Variants in OSBPL8 observed in about 807,000 individuals in gnomAD.
OSBPL8 encodes oxysterol binding protein like 8.
In OSBPL8, 59 loss-of-function variants were observed where a neutral mutation model predicts 125.5. The observed-to-expected ratio is 0.47, with a 90% CI of 0.38 to 0.58. The LOEUF (loss-of-function observed/expected upper bound fraction) is 0.58. Among genes scored for constraint, OSBPL8 ranks in the 20% least tolerant of loss-of-function variants. The probability of loss-of-function intolerance (pLI) is 0.00; values close to 1 mark genes in which losing one functional copy is unlikely to be tolerated. For synonymous variants in OSBPL8, 330 were observed against 338.9 expected (o/e 0.97, Z 0.29); for missense variants, 758 against 1,047.8 (o/e 0.72, Z 3.82).
intron 1 of OSBPL8, among the ~76,000 whole-genome samples, chr12:76,526,119 A>G (rs1950162862): frequency 6.6e-6 from 1 of 152,202 alleles, no homozygotes; most frequent in South Asian, 2.1e-4. Context: ...AACTGTTCTT[A>G]TACACACTAT....
chr12:76,438,774 T>C lies in OSBPL8; in HGVS notation c.217+12077A>G, dbSNP rs921107781. On this transcript the variant is annotated intron_variant, in intron 4 of 23. Transcript: ENST00000261183. Reference sequence around the variant, plus strand: ...TTGTTAAAGTGTTAAGTGGAAATCATAGATTTTCTAATATCAAACCCATCC... The same window carrying C: ...TTGTTAAAGTGTTAAGTGGAAATCACAGATTTTCTAATATCAAACCCATCC... Among the ~76,000 whole-genome samples the C allele has an allele frequency of 2.0e-5, 3 of 152,202 alleles. No homozygotes were observed. The East Asian group carries it at 5.8e-4, about 29-fold the overall frequency.
intron 1 of OSBPL8, among the ~76,000 whole-genome samples, chr12:76,493,708 G>C (rs1352855720): frequency 6.6e-6 from 1 of 152,090 alleles, no homozygotes; most frequent in Admixed American, 6.5e-5. Context: ...GTTGAATCTA[G>C]TTGGAGACCT....
chr12:76,382,034 C>G (rs1953079340), intron 15 of OSBPL8, among the ~76,000 whole-genome samples: 8 of 152,140 alleles, frequency 5.3e-5, no homozygotes, highest in Admixed American at 5.2e-4. Flanking sequence ...CATGCGCGGC[C>G]TACTTTCCAT....
At chr12:76,515,136 T>C (rs1881408103) in intron 1 of OSBPL8, among the ~76,000 whole-genome samples, 1 of 152,248 alleles carries the variant, frequency 6.6e-6, no homozygotes. Context: ...CGTTCTGAAT[T>C]CTACTTCTGT....
At chr12:76,394,393 A>G (rs1953706335) in intron 9 of OSBPL8, among the ~76,000 whole-genome samples, 1 of 152,216 alleles carries the variant, frequency 6.6e-6, no homozygotes, top group African/African-American at 2.4e-5. Context: ...AAAGGTGTTA[A>G]TATGTCCATG....
At chr12:76,414,743 A>G (rs1868413186) in intron 4 of OSBPL8, among the ~76,000 whole-genome samples, 1 of 152,032 alleles carries the variant, frequency 6.6e-6, no homozygotes, top group South Asian at 2.1e-4. Context: ...ATAAGCCACC[A>G]TGTCCAGCTG....
intron 1 of OSBPL8, among the ~76,000 whole-genome samples, chr12:76,488,291 A>T (rs941013687): frequency 2.6e-5 from 4 of 152,244 alleles, no homozygotes; most frequent in Admixed American, 2.0e-4. Context: ...ATCACAACAC[A>T]TAAGGTGGGA....
intron 7 of OSBPL8, 144 bp from the exon 8 acceptor site, chr12:76,398,041 C>T (rs1953888022): frequency 1.4e-6 from 1 of 710,812 alleles, no homozygotes; most frequent in South Asian, 2.0e-5. Context: ...ACATGGCAAG[C>T]ACAGCAAACA....
intron 1 of OSBPL8, among the ~76,000 whole-genome samples, chr12:76,493,491 G>C (rs1463860868): frequency 1.3e-5 from 2 of 152,136 alleles, no homozygotes. Context: ...AGTTTTGTCA[G>C]ATAAAGTATT....
chr12:76,383,492 A>G (rs1953152133), intron 15 of OSBPL8, among the ~76,000 whole-genome samples: 1 of 152,044 alleles, frequency 6.6e-6, no homozygotes, highest in South Asian at 2.1e-4. Flanking sequence ...CTGATCAAAA[A>G]CTACTCTTAG....
At chr12:76,410,152 G>A (rs1350970134) in intron 5 of OSBPL8, among the ~76,000 whole-genome samples, 1 of 152,098 alleles carries the variant, frequency 6.6e-6, no homozygotes, top group Non-Finnish European at 1.5e-5. Context: ...TCTGTCAATA[G>A]TAGGCAATTA....
At chr12:76,398,920 T>C (rs1953935749) in intron 7 of OSBPL8, among the ~76,000 whole-genome samples, 1 of 152,050 alleles carries the variant, frequency 6.6e-6, no homozygotes, top group Non-Finnish European at 1.5e-5. Flanking sequence ...CAACAGAACA[T>C]GGAGGACAAA....
chr12:76,471,141 T>C (rs1876089490), intron 2 of OSBPL8, among the ~76,000 whole-genome samples: 1 of 152,154 alleles, frequency 6.6e-6, no homozygotes, highest in Non-Finnish European at 1.5e-5. Flanking sequence ...TTTATGCAAA[T>C]TACCCTTTCA....
intron 14 of OSBPL8, among the ~76,000 whole-genome samples, chr12:76,384,956 TA>T (rs1953244248): frequency 6.6e-6 from 1 of 152,240 alleles, no homozygotes; most frequent in Admixed American, 6.5e-5. Flanking sequence ...GTTTTGGCAC[TA>T]ATTTTTTAGA....
At chr12:76,458,470 A>G (rs1368004474) in intron 3 of OSBPL8, among the ~76,000 whole-genome samples, 1 of 152,096 alleles carries the variant, frequency 6.6e-6, no homozygotes, top group Non-Finnish European at 1.5e-5. Context: ...CAGGAGGATC[A>G]CTTGAGACCA....
intron 1 of OSBPL8, among the ~76,000 whole-genome samples, chr12:76,521,828 T>C (rs1882087832): frequency 6.6e-6 from 1 of 152,132 alleles, no homozygotes; most frequent in Non-Finnish European, 1.5e-5. Flanking sequence ...TTAATGGACA[T>C]ACAGTTTCAA....
intron 4 of OSBPL8, among the ~76,000 whole-genome samples, chr12:76,426,740 T>TA (rs1187026604): frequency 1.3e-5 from 2 of 152,180 alleles, no homozygotes; most frequent in Non-Finnish European, 2.9e-5. Context: ...GTTTTTTTCT[T>TA]AAAACAAAGT....
At chr12:76,434,137 G>T (rs1209833178) in intron 4 of OSBPL8, among the ~76,000 whole-genome samples, 1 of 152,094 alleles carries the variant, frequency 6.6e-6, no homozygotes, top group Non-Finnish European at 1.5e-5. Context: ...AAATGGTATA[G>T]CATTGGCATA....
chr12:76,540,674 T>C (rs1212162872), intron 1 of OSBPL8, among the ~76,000 whole-genome samples: 2 of 151,468 alleles, frequency 1.3e-5, no homozygotes, highest in African/African-American at 2.4e-5. Flanking sequence ...AATAATCATA[T>C]TTTTTCTTTA....
Sources: gnomAD v4.1 joint callset for allele counts (sites outside exome capture counted in the v4.1 genomes callset) on GRCh38, gnomAD v4.1.1 for gene constraint, MANE v1.5 for transcripts, NCBI Gene and HGNC (gene_info 2026-07-23, HGNC 2026-07-21) for gene names.